The following RPH3A variants were observed in gnomAD, a reference collection of about 807,000 sequenced individuals.
The protein encoded by RPH3A is rabphilin-3A.
In RPH3A, 48 loss-of-function variants were observed where a neutral mutation model predicts 102.2. That is an observed-to-expected ratio of 0.47 (90% CI 0.37 to 0.60). The LOEUF (loss-of-function observed/expected upper bound fraction) is 0.60. Among genes scored for constraint, RPH3A ranks in the 20% least tolerant of loss-of-function variants. The pLI is 0.00. For missense variants in RPH3A, 781 were observed against 910.1 expected, an observed-to-expected ratio of 0.86 and a Z score of 1.83; for synonymous variants, 310 against 324.3, an observed-to-expected ratio of 0.96 and a Z score of 0.47.
At chr12:112,667,207 A>G (rs554972941) in intron 1 of RPH3A, among the ~76,000 whole-genome samples, 28 of 152,122 alleles carry the variant, frequency 1.8e-4, no homozygotes, top group Non-Finnish European at 3.4e-4. Flanking sequence ...TAAGGTTTTA[A>G]ATGCTATGGA....
chr12:112,776,983 G>T (rs7302673), intron 1 of RPH3A, among the ~76,000 whole-genome samples: 2 of 150,712 alleles, frequency 1.3e-5, no homozygotes, highest in African/African-American at 4.9e-5. Context: ...GTCAAATTCA[G>T]TTCAAAGGGT....
Position 112,875,481 on chromosome 12 carries a change from T to C in RPH3A, c.884-198T>C, listed in dbSNP as rs114878076. Among the ~76,000 whole-genome samples, 882 of 152,222 alleles carry C rather than the reference T, an allele frequency of 5.8e-3. 8 individuals are homozygous for C. The highest frequency in any genetic ancestry group is 0.021 in the African/African-American group (864 of 41,524). Reference sequence around the variant, plus strand: ...GAGGAGCAAGTCAAGGCTCAGGAAGTTCCCACAGCACTAGGGCTTGGATCC... The same window carrying C: ...GAGGAGCAAGTCAAGGCTCAGGAAGCTCCCACAGCACTAGGGCTTGGATCC... On this transcript the variant is annotated intron_variant, in intron 11 of 21. Coordinates refer to ENST00000389385, the MANE Select transcript of RPH3A (RefSeq NM_001143854.2).
intron 1 of RPH3A, among the ~76,000 whole-genome samples, chr12:112,648,594 A>AAAAAAAAAAAAAAAAAAC (rs2039950643): frequency 7.2e-6 from 1 of 138,466 alleles, no homozygotes; most frequent in African/African-American, 2.7e-5. Flanking sequence ...AAAAAAAAAA[A>AAAAAAAAAAAAAAAAAAC]AAAAGCTAGG....
intron 1 of RPH3A, among the ~76,000 whole-genome samples, chr12:112,631,718 C>T (rs1481033926): frequency 6.6e-6 from 1 of 151,792 alleles, no homozygotes; most frequent in Non-Finnish European, 1.5e-5. Flanking sequence ...GAGATGGGCT[C>T]TCCTCATGTT....
At chr12:112,850,932 C>T (rs183155329) in intron 5 of RPH3A, 22 of 152,326 alleles carry the variant, frequency 1.4e-4, no homozygotes, top group African/African-American at 5.3e-4. Context: ...GCCTCACACC[C>T]TATTGCTGGC....
chr12:112,812,252 G>C (rs145806713), intron 2 of RPH3A, among the ~76,000 whole-genome samples: 17 of 152,186 alleles, frequency 1.1e-4, no homozygotes, highest in African/African-American at 3.9e-4. Context: ...AGAACACCAC[G>C]GTCTGAGGGA....
intron 1 of RPH3A, among the ~76,000 whole-genome samples, chr12:112,715,650 G>A (rs1158122544): frequency 6.6e-6 from 1 of 152,054 alleles, no homozygotes; most frequent in East Asian, 1.9e-4. Flanking sequence ...CAACTACATG[G>A]TGAGCTCACA....
intron 1 of RPH3A, among the ~76,000 whole-genome samples, chr12:112,687,066 G>A (rs1163094718): frequency 6.6e-6 from 1 of 152,176 alleles, no homozygotes; most frequent in African/African-American, 2.4e-5. Context: ...AGTGAACTAC[G>A]ATTGCACCAC....
intron 1 of RPH3A, among the ~76,000 whole-genome samples, chr12:112,618,746 C>A (rs1196898685): frequency 5.9e-5 from 9 of 152,080 alleles, no homozygotes; most frequent in African/African-American, 2.2e-4. Flanking sequence ...GTAAAGCGAG[C>A]CACTCAATTA....
chr12:112,891,375 A>T (rs917545489), intron 19 of RPH3A, among the ~76,000 whole-genome samples: 3 of 152,138 alleles, frequency 2.0e-5, no homozygotes, highest in African/African-American at 7.2e-5. Flanking sequence ...CATTTTCCAG[A>T]TTCATTCTGG....
chr12:112,847,268 G>A (rs1029484), intron 4 of RPH3A, among the ~76,000 whole-genome samples: 72,847 of 151,998 alleles, frequency 0.48, 18,279 homozygotes, highest in African/African-American at 0.61. Flanking sequence ...GATTTTTGGA[G>A]ACCTAGTTGG....
chr12:112,789,319 C>A (rs542028183), upstream of RPH3A, among the ~76,000 whole-genome samples: 1 of 152,312 alleles, frequency 6.6e-6, no homozygotes, highest in African/African-American at 2.4e-5. Context: ...CGTCTCTGGT[C>A]CCGAGTTTCT....
chr12:112,895,662 A>T lies in RPH3A; in HGVS notation c.1858-115A>T, dbSNP rs2136275713. Reference sequence around the variant, plus strand: ...CACGGGAAGACCTCCTTGCTCCCAGAATGCCAGCTCAAGGACCTCTCCTTG... The same window carrying T: ...CACGGGAAGACCTCCTTGCTCCCAGTATGCCAGCTCAAGGACCTCTCCTTG... On this transcript the variant is annotated intron_variant, in intron 20 of 21. Coordinates refer to ENST00000389385, the MANE Select transcript of RPH3A (RefSeq NM_001143854.2). 3.8e-5 allele frequency: 25 copies of T among 660,856 alleles called. No individual in the cohort carries two copies. The South Asian group carries it at 3.8e-4, about 10-fold the overall frequency. The allele number at this position is 660,856 out of a possible 1,614,324, so 40.9% of individuals were successfully genotyped here. A position where few individuals can be genotyped will look rare whatever the true frequency, so the allele number is the denominator to read the frequency against.
chr12:112,887,997 T>C (rs2043033258), intron 17 of RPH3A, 74 bp downstream of exon 17: 1 of 1,549,312 alleles, frequency 6.5e-7, no homozygotes. Context: ...GGGTCTGAAT[T>C]GGGGGAAATA....
chr12:112,741,261 C>T (rs755465073), intron 1 of RPH3A, among the ~76,000 whole-genome samples: 1 of 152,158 alleles, frequency 6.6e-6, no homozygotes, highest in Non-Finnish European at 1.5e-5. Flanking sequence ...GGAATTTTCT[C>T]ATCAATTGCC....
intron 2 of RPH3A, among the ~76,000 whole-genome samples, chr12:112,803,583 C>T (rs2041398264): frequency 6.6e-6 from 1 of 151,548 alleles, no homozygotes; most frequent in Admixed American, 6.6e-5. Flanking sequence ...ACACTGTCTA[C>T]TTACTAATTG....
intron 1 of RPH3A, among the ~76,000 whole-genome samples, chr12:112,712,584 C>T (rs2040469880): frequency 6.6e-6 from 1 of 152,170 alleles, no homozygotes; most frequent in African/African-American, 2.4e-5. Flanking sequence ...GCCCTGTCCC[C>T]AATCACATGT....
intron 2 of RPH3A, among the ~76,000 whole-genome samples, chr12:112,809,124 G>A (rs2041523185): frequency 6.6e-6 from 1 of 152,078 alleles, no homozygotes; most frequent in Non-Finnish European, 1.5e-5. Context: ...CCTCAATGTT[G>A]GCATCTGTAT....
At chr12:112,859,130 C>G (rs1404463949) in intron 5 of RPH3A, among the ~76,000 whole-genome samples, 1 of 152,150 alleles carries the variant, frequency 6.6e-6, no homozygotes, top group Admixed American at 6.5e-5. Context: ...GCAGCCAATG[C>G]AGACAGGGTC....
Sources: allele counts gnomAD v4.1 joint callset (sites outside exome capture counted in the v4.1 genomes callset), GRCh38; gene constraint gnomAD v4.1.1; transcripts MANE v1.5; gene names NCBI Gene and HGNC (gene_info 2026-07-23, HGNC 2026-07-21).